DOCK7: variants seen among roughly 807,000 people sequenced by gnomAD.
DOCK7 encodes the protein dedicator of cytokinesis protein 7.
A neutral mutation model predicts 271.0 loss-of-function variants in DOCK7; 138 were observed. That is an observed-to-expected ratio of 0.51 (90% CI 0.44 to 0.59). The LOEUF is 0.59. DOCK7 is among the 20% of genes least tolerant of loss of function. DOCK7 has a pLI of 0.00. For synonymous variants in DOCK7, 823 were observed against 876.1 expected, an observed-to-expected ratio of 0.94 and a Z score of 1.07; for missense variants, 2,066 against 2,592.4, an observed-to-expected ratio of 0.80 and a Z score of 4.41.
chr1:62,637,633 G>A (rs1163385442), intron 7 of DOCK7, among the ~76,000 whole-genome samples: 4 of 152,112 alleles, frequency 2.6e-5, no homozygotes, highest in Admixed American at 6.5e-5. Flanking sequence ...AAAGAGAATC[G>A]AGGACCTTGT....
At chr1:62,683,376 C>T (rs1661383706) in intron 1 of DOCK7, among the ~76,000 whole-genome samples, 1 of 152,170 alleles carries the variant, frequency 6.6e-6, no homozygotes, top group Non-Finnish European at 1.5e-5. Flanking sequence ...CCCATCTGCC[C>T]AGAGTTAATA....
In DOCK7 at chr1:62,663,021, T is replaced by G. The variant is rs759902857; in HGVS notation, c.144+4A>C. Reference sequence around the variant, plus strand: ...AGAGACTATATTTTGAATACGTTACTTACTGTGGTGTGATGGGATATATTG... The same window carrying G: ...AGAGACTATATTTTGAATACGTTACGTACTGTGGTGTGATGGGATATATTG... On this transcript the variant is annotated splice_donor_region_variant and intron_variant, in intron 2 of 49. Transcript: ENST00000635253. The G allele has an allele frequency of 6.2e-7, 1 of 1,604,686 alleles. No individual in the cohort carries two copies. Among genetic ancestry groups the G allele is most frequent in the East Asian group, 2.2e-5 (1 of 44,810 alleles).
intron 2 of DOCK7, among the ~76,000 whole-genome samples, chr1:62,661,170 G>C (rs1375632577): frequency 1.3e-5 from 2 of 150,792 alleles, no homozygotes; most frequent in Admixed American, 6.6e-5. Flanking sequence ...AAATAAGCTA[G>C]ACACAAAAGG....
Position 62,686,157 on chromosome 1 carries a change from C to CAT in DOCK7, c.38+2069_38+2070insAT, listed in dbSNP as rs1661699881. ...ACTAGGAATACATGTCAAGTAATAA[C>CAT]TTTTTTTTTTTTTTTTTTTTTTTTT... is the stretch of plus-strand genomic sequence containing the variant. On this transcript the variant is annotated intron_variant, in intron 1 of 49. Coordinates refer to ENST00000635253, the MANE Select transcript of DOCK7 (RefSeq NM_001367561.1). Among the ~76,000 whole-genome samples, 18 of 4,210 alleles carry CAT rather than the reference C, an allele frequency of 4.3e-3. 9 individuals are homozygous for CAT. Among genetic ancestry groups the CAT allele is most frequent in the East Asian group, 1 (2 of 2 alleles). 2.8% of individuals were successfully genotyped at this position (4,210 alleles called of 152,430 possible). A position where few individuals can be genotyped will look rare whatever the true frequency, so the allele number is the denominator to read the frequency against.
chr1:62,486,373 A>G (rs983933613), intron 43 of DOCK7: 4 of 152,128 alleles, frequency 2.6e-5, no homozygotes, highest in African/African-American at 9.6e-5. Flanking sequence ...ACCCAAAAAG[A>G]GAAGCCTAAG....
In DOCK7 at chr1:62,604,420, A is replaced by T; in HGVS notation, c.1682+14286T>A. 3.4e-6 allele frequency: 3 copies of T among 890,242 alleles called. No homozygotes were observed. The East Asian group carries it at 7.9e-5, about 24-fold the overall frequency. 55.1% of individuals were successfully genotyped at this position (890,242 alleles called of 1,614,324 possible). The stretch of plus-strand genomic sequence containing the variant: ...TAGTTCAATCAGGTATTTTACCTCT[A>T]ATCTTCCTCAGATTTTCTATTTTTT... On this transcript the variant is annotated intron_variant, in intron 14 of 49. Coordinates refer to ENST00000635253, the MANE Select transcript of DOCK7 (RefSeq NM_001367561.1).
intron 14 of DOCK7, among the ~76,000 whole-genome samples, chr1:62,613,657 T>C (rs972408637): frequency 6.6e-6 from 1 of 152,176 alleles, no homozygotes; most frequent in Admixed American, 6.6e-5. Context: ...ATAGGAAATC[T>C]GTCACTTTCA....
intron 7 of DOCK7, among the ~76,000 whole-genome samples, chr1:62,642,996 A>T (rs1438199494): frequency 7.5e-6 from 1 of 133,014 alleles, no homozygotes; most frequent in African/African-American, 3.4e-5. Flanking sequence ...ATATGCTGTA[A>T]GAGTTTTAAT....
At chr1:62,618,459 T>C (rs144284571) in intron 14 of DOCK7, among the ~76,000 whole-genome samples, 269 of 152,134 alleles carry the variant, frequency 1.8e-3, no homozygotes, top group African/African-American at 6.2e-3. Context: ...AAAATAAAAG[T>C]AAAATCCACC....
At chr1:62,469,342 T>C (rs1365662938) in intron 48 of DOCK7, among the ~76,000 whole-genome samples, 1 of 152,162 alleles carries the variant, frequency 6.6e-6, no homozygotes, top group Non-Finnish European at 1.5e-5. Context: ...ATTCAACAAA[T>C]GATACTGGGA....
intron 4 of DOCK7, among the ~76,000 whole-genome samples, chr1:62,651,658 A>T (rs1657397529): frequency 6.6e-6 from 1 of 151,982 alleles, no homozygotes; most frequent in Non-Finnish European, 1.5e-5. Context: ...AAAGATAACG[A>T]ATTGATTTTT....
chr1:62,614,307 G>A (rs1267912387), intron 14 of DOCK7, among the ~76,000 whole-genome samples: 1 of 151,794 alleles, frequency 6.6e-6, no homozygotes, highest in Non-Finnish European at 1.5e-5. Context: ...CCTATGCTAG[G>A]TTTCTAGATA....
chr1:62,494,002 A>G (rs1480167574), intron 40 of DOCK7, among the ~76,000 whole-genome samples: 6 of 152,242 alleles, frequency 3.9e-5, no homozygotes, highest in Non-Finnish European at 8.8e-5. Context: ...ATGTTAAAGT[A>G]TGTAACGGAT....
At chr1:62,672,324 A>G (rs1463264655) in intron 1 of DOCK7, among the ~76,000 whole-genome samples, 1 of 152,140 alleles carries the variant, frequency 6.6e-6, no homozygotes. Flanking sequence ...AACTAGCAAC[A>G]TTTGTCAGGC....
In DOCK7 at chr1:62,582,213, T is replaced by C. The variant is rs554275820; in HGVS notation, c.1871+971A>G. 8.5e-5 allele frequency among the ~76,000 whole-genome samples: 13 copies of C among 152,192 alleles called. No individual in the cohort carries two copies. The Middle Eastern group carries it at 0.01, about 119-fold the overall frequency. ...AAAAGAAGCAGGAGCTAGAAGAAAC[T>C]CCTGTAGCTACTGCTAAATGAAGGC... On this transcript the variant is annotated intron_variant, in intron 16 of 49. Coordinates refer to ENST00000635253, the MANE Select transcript of DOCK7 (RefSeq NM_001367561.1).
chr1:62,464,044 G>A (rs1645604851), intron 48 of DOCK7, among the ~76,000 whole-genome samples: 1 of 152,118 alleles, frequency 6.6e-6, no homozygotes, highest in African/African-American at 2.4e-5. Flanking sequence ...AGTGCTTACT[G>A]TTTTTAGTAA....
At chr1:62,585,904 C>T (rs185304921) in intron 15 of DOCK7, among the ~76,000 whole-genome samples, 15 of 152,166 alleles carry the variant, frequency 9.9e-5, no homozygotes, top group African/African-American at 3.6e-4. Flanking sequence ...TGGTCCAATC[C>T]CCATACATTA....
intron 1 of DOCK7, among the ~76,000 whole-genome samples, chr1:62,671,966 C>CA (rs11300118): frequency 0.33 from 46,786 of 141,408 alleles, 7,538 homozygotes; most frequent in African/African-American, 0.4. Context: ...AAAATGAAGA[C>CA]AAAAAAAAAA....
At chr1:62,542,565 C>T (rs1645570499) in intron 25 of DOCK7, 43 bp downstream of exon 25, 1 of 1,564,058 alleles carries the variant, frequency 6.4e-7, no homozygotes, top group Admixed American at 1.9e-5. Flanking sequence ...AAATTGTTCA[C>T]TAAGAGAAAA....
Sources: gnomAD v4.1 joint callset for allele counts (sites outside exome capture counted in the v4.1 genomes callset) on GRCh38, gnomAD v4.1.1 for gene constraint, MANE v1.5 for transcripts, NCBI Gene and HGNC (gene_info 2026-07-23, HGNC 2026-07-21) for gene names.